Variants in AFG2A observed in about 807,000 individuals in gnomAD.
AFG2A encodes ATPase family gene 2 protein homolog A.
At chr4:123,087,299 C>T in the AFG2A span, among the ~76,000 whole-genome samples, 1 of 152,104 alleles carries the variant, frequency 6.6e-6, no homozygotes, top group African/African-American at 2.4e-5. Flanking sequence ...TCACAATTTT[C>T]TCCCGTTAGG....
the AFG2A span, among the ~76,000 whole-genome samples, chr4:123,112,571 C>A: frequency 0.15 from 22,183 of 152,202 alleles, 2,074 homozygotes; most frequent in East Asian, 0.45. Flanking sequence ...ATCAGTTTCT[C>A]TTCCATCAGA....
At chr4:123,124,732 T>G in the AFG2A span, among the ~76,000 whole-genome samples, 1 of 152,312 alleles carries the variant, frequency 6.6e-6, no homozygotes, top group South Asian at 2.1e-4. Flanking sequence ...AAGAGGAAAT[T>G]TCTTTATTAT....
chr4:123,261,396 A>T, the AFG2A span, among the ~76,000 whole-genome samples: 1,507 of 152,334 alleles, frequency 9.9e-3, 22 homozygotes, highest in African/African-American at 0.034. Flanking sequence ...AATATCAGAA[A>T]AAAGCAACAA....
chr4:123,224,610 T>C, the AFG2A span, among the ~76,000 whole-genome samples: 2 of 152,194 alleles, frequency 1.3e-5, no homozygotes, highest in Non-Finnish European at 2.9e-5. Flanking sequence ...CAGTCTATCA[T>C]TGTTGGACCT....
chr4:122,949,188 G>A, the AFG2A span, among the ~76,000 whole-genome samples: 1 of 152,178 alleles, frequency 6.6e-6, no homozygotes, highest in Non-Finnish European at 1.5e-5. Context: ...CAGTTAAGAT[G>A]TCCAGGGCCA....
At chr4:123,209,420 T>A in the AFG2A span, among the ~76,000 whole-genome samples, 5 of 151,614 alleles carry the variant, frequency 3.3e-5, no homozygotes, top group African/African-American at 7.3e-5. Flanking sequence ...GGGAAAAAAA[T>A]TTTTTTTTCA....
chr4:123,294,426 A>G, the AFG2A span, among the ~76,000 whole-genome samples: 1,049 of 152,280 alleles, frequency 6.9e-3, 17 homozygotes, highest in African/African-American at 0.024. Context: ...ACCATCAAAG[A>G]ATCCCTTCCA....
At chr4:122,936,133 G>T in the AFG2A span, 11 of 1,604,908 alleles carry the variant, frequency 6.9e-6, no homozygotes, top group East Asian at 2.5e-4. Flanking sequence ...AGTTACGTCA[G>T]ATATTTGCTG....
the AFG2A span, among the ~76,000 whole-genome samples, chr4:123,222,237 T>A: frequency 2.0e-5 from 3 of 152,240 alleles, no homozygotes; most frequent in Non-Finnish European, 2.9e-5. Flanking sequence ...TAGAACACTA[T>A]GTCAAGAATG....
At chr4:122,945,473 G>A in the AFG2A span, among the ~76,000 whole-genome samples, 1 of 152,240 alleles carries the variant, frequency 6.6e-6, no homozygotes, top group East Asian at 1.9e-4. Flanking sequence ...ATCTCCTGGT[G>A]CACCGTTTCC....
chr4:122,927,065 G>T, the AFG2A span, among the ~76,000 whole-genome samples: 1 of 152,152 alleles, frequency 6.6e-6, no homozygotes, highest in Non-Finnish European at 1.5e-5. Context: ...CATTTTCAGA[G>T]GTGTTGTTAA....
At chr4:123,226,335 A>G in the AFG2A span, among the ~76,000 whole-genome samples, 3 of 152,102 alleles carry the variant, frequency 2.0e-5, no homozygotes, top group African/African-American at 7.2e-5. Flanking sequence ...TCAGTATGAT[A>G]TTGGCTGTGG....
chr4:122,947,045 GTAAT>G, the AFG2A span, among the ~76,000 whole-genome samples: 1 of 151,926 alleles, frequency 6.6e-6, no homozygotes, highest in Non-Finnish European at 1.5e-5. Flanking sequence ...TATAATAAAA[GTAAT>G]AAATGTATAA....
chr4:123,124,156 A>G, the AFG2A span, among the ~76,000 whole-genome samples: 17 of 152,072 alleles, frequency 1.1e-4, no homozygotes, highest in Admixed American at 1.1e-3. Flanking sequence ...CCAAACGATT[A>G]TAAATCATGC....
chr4:123,214,912 C>G, the AFG2A span, among the ~76,000 whole-genome samples: 1 of 151,898 alleles, frequency 6.6e-6, no homozygotes, highest in Non-Finnish European at 1.5e-5. Flanking sequence ...GGTAAGGCTT[C>G]CAGTCAATAA....
the AFG2A span, chr4:123,313,901 G>A: frequency 1.3e-6 from 2 of 1,591,774 alleles, no homozygotes; most frequent in African/African-American, 1.4e-5. Flanking sequence ...GTAGCTGTCT[G>A]CAGAGAGGCA....
chr4:123,103,746 A>G, the AFG2A span, among the ~76,000 whole-genome samples: 1 of 152,142 alleles, frequency 6.6e-6, no homozygotes, highest in African/African-American at 2.4e-5. Flanking sequence ...AAACAACCCA[A>G]ATGTCTACCT....
chr4:123,188,601 C>G, the AFG2A span, among the ~76,000 whole-genome samples: 1 of 152,048 alleles, frequency 6.6e-6, no homozygotes, highest in African/African-American at 2.4e-5. Context: ...AATTTATTTC[C>G]AAGTTAGCAA....
At chr4:123,240,426 G>C in the AFG2A span, among the ~76,000 whole-genome samples, 887 of 152,216 alleles carry the variant, frequency 5.8e-3, 9 homozygotes, top group African/African-American at 0.014. Flanking sequence ...ACAACAAACT[G>C]TCTCTCTGAC....
Sources: allele counts gnomAD v4.1 joint callset (sites outside exome capture counted in the v4.1 genomes callset), GRCh38; gene constraint gnomAD v4.1.1; transcripts MANE v1.5; gene names NCBI Gene and HGNC (gene_info 2026-07-23, HGNC 2026-07-21).